The following RUSC2 variants were observed in gnomAD, a reference collection of about 807,000 sequenced individuals.
RUSC2 encodes RUN and SH3 domain containing 2.
Under a neutral mutation model 122.2 loss-of-function variants are expected in RUSC2, and 34 were observed. That is an observed-to-expected ratio of 0.28 (90% CI 0.21 to 0.37). The LOEUF is 0.37. Among genes scored for constraint, RUSC2 ranks in the 10% least tolerant of loss-of-function variants. The probability of loss-of-function intolerance (pLI) is 1.00; values close to 1 mark genes in which losing one functional copy is unlikely to be tolerated. For synonymous variants in RUSC2, 784 were observed against 790.0 expected (o/e 0.99, Z 0.13); for missense variants, 1,747 against 1,952.4 (o/e 0.89, Z 1.98).
At position 35,560,580 on chromosome 9, in the gene RUSC2, G is replaced by T. The variant is rs935451063; in HGVS notation, c.3940G>T (p.Ala1314Ser). ...GGCAGGAGGTGGGGGACCTCCCCAGGCTCCACCACCCCGAGAGGGAGTAGT... is the reference window on the plus strand; with the variant it reads ...GGCAGGAGGTGGGGGACCTCCCCAGTCTCCACCACCCCGAGAGGGAGTAGT... ...KGAGGGGPPQ[A>S]PPPREGVVEG... Residue 1314 changes from alanine (A) to serine (S), a missense_variant, in exon 10 of 12, where the codon GCT becomes TCT. Ala to Ser is a moderately conservative substitution (Grantham distance 99). Transcript: ENST00000361226. 1.2e-6 allele frequency: 2 copies of T among 1,613,882 alleles called. No homozygotes were observed. Among genetic ancestry groups the T allele is most frequent in the Non-Finnish European group, 8.5e-7 (1 of 1,179,938 alleles).
At chr9:35,556,700 G>A (rs544034861) in intron 5 of RUSC2, among the ~76,000 whole-genome samples, 5 of 152,324 alleles carry the variant, frequency 3.3e-5, no homozygotes, top group East Asian at 1.9e-4. Flanking sequence ...TGTGGTGGGC[G>A]CGTGTAATCC....
intron 1 of RUSC2, among the ~76,000 whole-genome samples, chr9:35,516,522 A>G (rs749160815): frequency 3.9e-5 from 6 of 152,210 alleles, no homozygotes; most frequent in Non-Finnish European, 7.3e-5. Context: ...GGTTCATTCT[A>G]CACTCCAGAA....
At chr9:35,533,580 A>T (rs74604827) in intron 1 of RUSC2, among the ~76,000 whole-genome samples, 1 of 152,182 alleles carries the variant, frequency 6.6e-6, no homozygotes, top group Admixed American at 6.5e-5. Flanking sequence ...GGAACATTTC[A>T]TCATTCCCAA....
At chr9:35,494,973 ATAT>A (rs1273819114) in intron 1 of RUSC2, among the ~76,000 whole-genome samples, 1 of 118,254 alleles carries the variant, frequency 8.5e-6, no homozygotes, top group Non-Finnish European at 1.7e-5. Context: ...AAATTTATAT[ATAT>A]TATATAATAT....
chr9:35,497,471 A>T (rs1352861974), intron 1 of RUSC2, among the ~76,000 whole-genome samples: 1 of 152,170 alleles, frequency 6.6e-6, no homozygotes, highest in Admixed American at 6.5e-5. Flanking sequence ...CTGGCCATGT[A>T]TAAGAACATC....
chr9:35,561,733 A>C lies in RUSC2; in HGVS notation c.*351A>C, dbSNP rs992305682. 3.7e-6 allele frequency: 2 copies of C among 535,276 alleles called. No individual in the cohort carries two copies. The highest frequency in any genetic ancestry group is 3.2e-5 in the Admixed American group (1 of 31,670). 33.2% of individuals were successfully genotyped at this position (535,276 alleles called of 1,614,324 possible). A position where few individuals can be genotyped will look rare whatever the true frequency, so the allele number is the denominator to read the frequency against. ...TTCCCTAGGCCAGGTGGAGATGAGG[A>C]TGGGTAACAGTATTGGGGCCAGATC... On this transcript the variant is annotated 3_prime_UTR_variant, in exon 12 of 12. Coordinates refer to ENST00000361226, the MANE Select transcript of RUSC2 (RefSeq NM_014806.5).
At chr9:35,550,785 A>G (rs1014798828) in intron 2 of RUSC2, among the ~76,000 whole-genome samples, 2 of 152,008 alleles carry the variant, frequency 1.3e-5, no homozygotes, top group African/African-American at 4.8e-5. Context: ...TAGAAGAAAA[A>G]CCAGGAGAGG....
At chr9:35,507,855 G>T in intron 1 of RUSC2, 1 of 211,840 alleles carries the variant, frequency 4.7e-6, no homozygotes, top group South Asian at 8.2e-5. Flanking sequence ...GGAGATAAGT[G>T]AAAAGGCCAA....
chr9:35,543,392 A>G (rs1211647003), intron 1 of RUSC2, among the ~76,000 whole-genome samples: 1 of 152,218 alleles, frequency 6.6e-6, no homozygotes, highest in Non-Finnish European at 1.5e-5. Flanking sequence ...ACTGCACTCC[A>G]GCCTCGGTGA....
chr9:35,541,880 T>A (rs1412209314), intron 1 of RUSC2, among the ~76,000 whole-genome samples: 2 of 149,848 alleles, frequency 1.3e-5, no homozygotes, highest in Non-Finnish European at 3.0e-5. Flanking sequence ...ATAATTATTT[T>A]AAAATTTTTA....
chr9:35,526,501 T>C (rs1303145928), intron 1 of RUSC2, among the ~76,000 whole-genome samples: 1 of 152,214 alleles, frequency 6.6e-6, no homozygotes, highest in African/African-American at 2.4e-5. Context: ...GTTGGTGGTA[T>C]TTTCATCACC....
intron 1 of RUSC2, among the ~76,000 whole-genome samples, chr9:35,504,195 G>C (rs759637261): frequency 1.2e-4 from 18 of 152,168 alleles, no homozygotes; most frequent in Non-Finnish European, 2.1e-4. Context: ...ATAGTTTTAA[G>C]ACTTGAGATA....
chr9:35,510,681 C>T (rs1820995667), intron 1 of RUSC2, among the ~76,000 whole-genome samples: 1 of 152,106 alleles, frequency 6.6e-6, no homozygotes, highest in Non-Finnish European at 1.5e-5. Context: ...GAGACTTTGG[C>T]ATTTAAGGTT....
chr9:35,552,677 C>T (rs755564052), intron 2 of RUSC2, among the ~76,000 whole-genome samples: 1 of 152,170 alleles, frequency 6.6e-6, no homozygotes, highest in Non-Finnish European at 1.5e-5. Context: ...CAGTGGTATT[C>T]CATTGAGTTC....
rs1822119849 is a variant in RUSC2 at position 35,560,281 on chromosome 9, A to T, written c.3641A>T (p.Gln1214Leu). The change falls in exon 10 of 12, where the codon CAG (glutamine) becomes CTG (leucine). Residue 1214 changes from glutamine (Q) to leucine (L), a missense_variant. Physicochemically the swap from Gln to Leu is moderately radical, Grantham distance 113. Transcript: ENST00000361226. ...STLQLARARGQEGPGDVDRAA... is the reference protein window; with the variant it reads ...STLQLARARGLEGPGDVDRAA... The stretch of plus-strand genomic sequence containing the variant: ...CTGCAGCTGGCCCGGGCCCGGGGCC[A>T]GGAGGGCCCTGGAGACGTGGACAGG... 1.3e-6 allele frequency: 2 copies of T among 1,591,750 alleles called. No individual in the cohort carries two copies. Among genetic ancestry groups the T allele is most frequent in the Non-Finnish European group, 1.7e-6 (2 of 1,168,320 alleles).
intron 1 of RUSC2, among the ~76,000 whole-genome samples, chr9:35,527,071 G>C (rs922688884): frequency 6.6e-6 from 1 of 150,810 alleles, no homozygotes; most frequent in African/African-American, 2.4e-5. Flanking sequence ...TCTTCAGATC[G>C]ATCTTCCAGT....
rs768077817 is a variant in RUSC2 at position 35,547,096 on chromosome 9, G to A, written c.575G>A (p.Arg192Gln). ...TQQCGTSHCCRPELEAETMEL... is the reference protein window; with the variant it reads ...TQQCGTSHCCQPELEAETMEL... ...CAGTGCGGCACCAGCCACTGCTGCC[G>A]GCCAGAGCTGGAAGCAGAGACTATG... Residue 192 changes from arginine to glutamine, a missense_variant, in exon 2 of 12, where the codon CGG becomes CAG. By Grantham distance (43) the Arg-to-Gln change is conservative. Coordinates refer to ENST00000361226, the MANE Select transcript of RUSC2 (RefSeq NM_014806.5). This position sits in a 1 kb window ranked among gnomAD's most constrained non-coding sequence, Gnocchi z 4.6. The A allele has an allele frequency of 4.3e-6, 7 of 1,613,956 alleles. No homozygotes were observed. The highest frequency in any genetic ancestry group is 4.5e-5 in the East Asian group (2 of 44,892).
At position 35,510,790 on chromosome 9, in the gene RUSC2, C is replaced by G. The variant is rs546564507; in HGVS notation, c.-93+20618C>G. Among the ~76,000 whole-genome samples the G allele has an allele frequency of 3.9e-5, 6 of 152,342 alleles. 1 individual carries two copies. Among genetic ancestry groups the G allele is most frequent in the Admixed American group, 3.9e-4 (6 of 15,298 alleles). ...TACTGGGTTGGGCTGTTAGATTTCCCAGGTCCTGCCTCCTTTGGGTGGGCC... is the reference window on the plus strand; with the variant it reads ...TACTGGGTTGGGCTGTTAGATTTCCGAGGTCCTGCCTCCTTTGGGTGGGCC... On this transcript the variant is annotated intron_variant, in intron 1 of 11. Coordinates refer to ENST00000361226, the MANE Select transcript of RUSC2 (RefSeq NM_014806.5).
At chr9:35,553,092 G>C (rs1394663946) in intron 2 of RUSC2, among the ~76,000 whole-genome samples, 1 of 152,234 alleles carries the variant, frequency 6.6e-6, no homozygotes, top group Non-Finnish European at 1.5e-5. Flanking sequence ...ACACATTCCT[G>C]ATGGGAAAAG....
Sources: allele counts gnomAD v4.1 joint callset (sites outside exome capture counted in the v4.1 genomes callset), GRCh38; gene constraint gnomAD v4.1.1; non-coding constraint Gnocchi (gnomAD v3.1); transcripts MANE v1.5; gene names NCBI Gene and HGNC (gene_info 2026-07-23, HGNC 2026-07-21).